Variants in STK33 observed in about 807,000 individuals in gnomAD.
STK33 encodes the protein serine/threonine-protein kinase 33.
Under a neutral mutation model 58.0 loss-of-function variants are expected in STK33, and 52 were observed. The observed-to-expected ratio is 0.90, with a 90% CI of 0.72 to 1.13. STK33 has a LOEUF of 1.13. STK33 is among the 50% of genes most tolerant of loss of function. The pLI, the probability that STK33 is intolerant of heterozygous loss-of-function variation, is 0.00. For synonymous variants in STK33, 215 were observed against 200.1 expected, an observed-to-expected ratio of 1.07 and a Z score of -0.63; for missense variants, 630 against 604.2, an observed-to-expected ratio of 1.04 and a Z score of -0.45.
chr11:8,505,323 T>TA (rs1245412327), intron 1 of STK33, among the ~76,000 whole-genome samples: 1 of 152,222 alleles, frequency 6.6e-6, no homozygotes, highest in Non-Finnish European at 1.5e-5. Context: ...TATTGAATGT[T>TA]AAAGTTGGAA....
chr11:8,544,231 A>C (rs538169158), intron 1 of STK33, among the ~76,000 whole-genome samples: 2 of 150,498 alleles, frequency 1.3e-5, no homozygotes, highest in South Asian at 2.1e-4. Flanking sequence ...TCATTGTTCA[A>C]CTCCCACTTA....
Position 8,436,125 on chromosome 11 carries a change from G to T in STK33, c.962C>A (p.Pro321Gln). The change falls in exon 13 of 16, where the codon CCA (proline) becomes CAA (glutamine). Residue 321 changes from proline (P) to glutamine (Q), a missense_variant. Physicochemically the swap from Pro to Gln is moderately conservative, Grantham distance 76. Transcript: ENST00000687296. ...CTCTTCTGAGCTTGCCAAAAAGGGT[G>T]GTTCTCCACGTAATCTGCAACAAAG... ...VVMYMLLRGE[P>Q]PFLASSEEKL... is the part of the protein sequence containing the mutation. The T allele has an allele frequency of 6.4e-7, 1 of 1,569,726 alleles. No individual in the cohort carries two copies. Among genetic ancestry groups the T allele is most frequent in the Non-Finnish European group, 8.6e-7 (1 of 1,159,392 alleles).
At chr11:8,556,584 G>A (rs892451937) in intron 1 of STK33, among the ~76,000 whole-genome samples, 10 of 152,086 alleles carry the variant, frequency 6.6e-5, no homozygotes, top group Non-Finnish European at 1.2e-4. Flanking sequence ...CAGTTTAAAT[G>A]TCACTTCTTC....
At chr11:8,397,009 C>A (rs1849473596) in intron 15 of STK33, among the ~76,000 whole-genome samples, 1 of 152,224 alleles carries the variant, frequency 6.6e-6, no homozygotes, top group Non-Finnish European at 1.5e-5. Flanking sequence ...GGAGGCCTGC[C>A]TGCCTCTGTA....
chr11:8,491,563 G>A (rs1339601005), intron 1 of STK33, among the ~76,000 whole-genome samples: 1 of 152,124 alleles, frequency 6.6e-6, no homozygotes, highest in Non-Finnish European at 1.5e-5. Flanking sequence ...AGCAAGGCAG[G>A]CCAACATTCA....
intron 11 of STK33, among the ~76,000 whole-genome samples, chr11:8,451,971 G>A (rs1946334630): frequency 6.6e-6 from 1 of 152,148 alleles, no homozygotes. Flanking sequence ...GGGAGGCCAA[G>A]GCAGGCAGAT....
the STK33 span, among the ~76,000 whole-genome samples, chr11:8,355,412 C>A: frequency 6.6e-6 from 1 of 152,248 alleles, no homozygotes. Flanking sequence ...GGCTACGGTA[C>A]TGGACGGCTC....
At chr11:8,536,972 A>ATTTTTT (rs1232336873) in intron 1 of STK33, among the ~76,000 whole-genome samples, 36 of 65,736 alleles carry the variant, frequency 5.5e-4, no homozygotes, top group South Asian at 7.6e-4. Flanking sequence ...AAAAAAAAAG[A>ATTTTTT]TTTTTTTTTT....
At chr11:8,340,474 A>G in the STK33 span, among the ~76,000 whole-genome samples, 2 of 152,224 alleles carry the variant, frequency 1.3e-5, no homozygotes, top group South Asian at 4.1e-4. Flanking sequence ...TGCATCACAC[A>G]GCCTTTCTTC....
intron 14 of STK33, among the ~76,000 whole-genome samples, chr11:8,434,499 T>C (rs1943821708): frequency 6.6e-6 from 1 of 152,108 alleles, no homozygotes; most frequent in Non-Finnish European, 1.5e-5. Context: ...ATTGTTTGAG[T>C]ATTGTATTAA....
chr11:8,477,511 C>T (rs899235912), intron 2 of STK33, among the ~76,000 whole-genome samples: 8 of 152,032 alleles, frequency 5.3e-5, no homozygotes, highest in African/African-American at 1.7e-4. Flanking sequence ...AAGAAGTATT[C>T]GTAACGTACA....
the STK33 span, among the ~76,000 whole-genome samples, chr11:8,361,508 C>G: frequency 5.3e-5 from 8 of 151,476 alleles, no homozygotes; most frequent in African/African-American, 1.9e-4. The surrounding 1 kb of genome is among the most constrained non-coding windows in gnomAD (Gnocchi z 4.8). Flanking sequence ...TTTGCCCTCT[C>G]CACCGCCCCC....
chr11:8,578,755 T>C (rs1304245001), intron 1 of STK33, among the ~76,000 whole-genome samples: 2 of 151,946 alleles, frequency 1.3e-5, no homozygotes, highest in East Asian at 1.9e-4. Context: ...CCAACTATTA[T>C]CTATCTAAAA....
the STK33 span, among the ~76,000 whole-genome samples, chr11:8,361,376 G>C: frequency 2.0e-5 from 3 of 151,954 alleles, no homozygotes; most frequent in Non-Finnish European, 2.9e-5. This position sits in a 1 kb window ranked among gnomAD's most constrained non-coding sequence, Gnocchi z 4.8. Context: ...ATTCCACATC[G>C]AGCCTTTCCT....
chr11:8,392,536 G>A lies in STK33; in HGVS notation c.1519C>T (p.Leu507=), dbSNP rs1288731525. ...TAGAGTTTCTTTTTGGTTCTGGACA[G>A]GGCGCCGGATTTAGCAGGGTACTTG... ...ATKYPAKSGA[L]SRTKKKL The change falls in exon 16 of 16, where the codon CTG becomes TTG. Residue 507 remains leucine, a synonymous_variant. Transcript: ENST00000687296. The A allele has an allele frequency of 6.2e-7, 1 of 1,603,694 alleles. No individual in the cohort carries two copies. Among genetic ancestry groups the A allele is most frequent in the African/African-American group, 1.3e-5 (1 of 74,946 alleles).
chr11:8,552,737 G>A (rs919778722), intron 1 of STK33, among the ~76,000 whole-genome samples: 2 of 152,038 alleles, frequency 1.3e-5, no homozygotes, highest in Admixed American at 1.3e-4. Flanking sequence ...TAACAAGCAC[G>A]GAGCTGTCAT....
chr11:8,350,965 A>C, the STK33 span, among the ~76,000 whole-genome samples: 4 of 152,102 alleles, frequency 2.6e-5, no homozygotes, highest in Non-Finnish European at 5.9e-5. Flanking sequence ...CAGGGATAAG[A>C]AAGCTCAGAA....
At chr11:8,490,576 G>A (rs1950535185) in intron 1 of STK33, among the ~76,000 whole-genome samples, 1 of 152,194 alleles carries the variant, frequency 6.6e-6, no homozygotes, top group South Asian at 2.1e-4. Context: ...GGTTCTCCCA[G>A]CATGGTGTTT....
At chr11:8,419,805 T>C (rs543266535) in intron 14 of STK33, among the ~76,000 whole-genome samples, 35 of 152,258 alleles carry the variant, frequency 2.3e-4, no homozygotes, top group African/African-American at 7.2e-4. Context: ...GTGTAAAGTA[T>C]CTACATAAAA....
Sources: allele counts gnomAD v4.1 joint callset (sites outside exome capture counted in the v4.1 genomes callset), GRCh38; gene constraint gnomAD v4.1.1; non-coding constraint Gnocchi (gnomAD v3.1); transcripts MANE v1.5; gene names NCBI Gene and HGNC (gene_info 2026-07-23, HGNC 2026-07-21).